The following RPRD1A variants were observed in gnomAD, a reference collection of about 807,000 sequenced individuals.
RPRD1A encodes regulation of nuclear pre-mRNA domain containing 1A, also known as regulation of nuclear pre-mRNA domain-containing protein 1A.
A neutral mutation model predicts 37.8 loss-of-function variants in RPRD1A; 9 were observed. The ratio of observed to expected loss-of-function variants is 0.24; its 90% confidence interval spans 0.14 to 0.42. The LOEUF (loss-of-function observed/expected upper bound fraction) is 0.42, where lower values mean the gene tolerates loss of function less well. Ranked by LOEUF, RPRD1A falls within the 10% of genes least tolerant of loss-of-function variation. The pLI, the probability that RPRD1A is intolerant of heterozygous loss-of-function variation, is 1.00. For missense variants in RPRD1A, 255 were observed against 371.0 expected, an observed-to-expected ratio of 0.69 and a Z score of 2.57; for synonymous variants, 138 against 139.7, an observed-to-expected ratio of 0.99 and a Z score of 0.08.
intron 1 of RPRD1A, among the ~76,000 whole-genome samples, chr18:36,035,003 T>C (rs1370992887): frequency 6.6e-6 from 1 of 152,218 alleles, no homozygotes; most frequent in Non-Finnish European, 1.5e-5. Context: ...TTTCATGATT[T>C]TGCAAGTTGC....
At chr18:36,015,131 T>TATACACACACACAC (rs573419499) in intron 6 of RPRD1A, among the ~76,000 whole-genome samples, 1 of 122,894 alleles carries the variant, frequency 8.1e-6, no homozygotes, top group African/African-American at 3.1e-5. Flanking sequence ...GGGTCTCACA[T>TATACACACACACAC]ACACACACAC....
rs1207562987 is a variant in RPRD1A at position 36,030,860 on chromosome 18, A to G, written c.434T>C (p.Val145Ala). Residue 145 changes from valine (V) to alanine (A), a missense_variant, in exon 4 of 7, where the codon GTG becomes GCG. Val to Ala is a moderately conservative substitution (Grantham distance 64). Coordinates refer to ENST00000399022, the MANE Select transcript of RPRD1A (RefSeq NM_018170.5). The stretch of plus-strand genomic sequence containing the variant: ...AGAGGAACAGTTTTCATTTTCATCC[A>G]CCTTTATCTGTTCATAAGTTCGCTT... ...PRKRTYEQIK[V>A]DENENCSSLG... The G allele has an allele frequency of 1.2e-6, 2 of 1,613,434 alleles. No individual in the cohort carries two copies. The highest frequency in any genetic ancestry group is 1.7e-5 in the Admixed American group (1 of 59,916).
At chr18:36,001,444 C>A (rs1481591971) in intron 6 of RPRD1A, among the ~76,000 whole-genome samples, 1 of 152,180 alleles carries the variant, frequency 6.6e-6, no homozygotes, top group Non-Finnish European at 1.5e-5. Flanking sequence ...AACATTTTAG[C>A]CTCACTCACT....
At chr18:36,051,534 A>ACCC (rs556136280) in intron 1 of RPRD1A, among the ~76,000 whole-genome samples, 1 of 152,098 alleles carries the variant, frequency 6.6e-6, no homozygotes, top group Non-Finnish European at 1.5e-5. Context: ...ATTCTCTAAT[A>ACCC]CCCCTTCCAA....
chr18:36,007,030 CT>C lies in RPRD1A; in HGVS notation c.790-13731del, dbSNP rs966201231. On this transcript the variant is annotated intron_variant, in intron 6 of 6. Coordinates refer to ENST00000399022, the MANE Select transcript of RPRD1A (RefSeq NM_018170.5). ...TTACTCTTCCTAGTTTTTCTTCTGT[CT>C]TTTTTTTCTTTTCTTTACTTTCAGA... Among the ~76,000 whole-genome samples, 137 of 152,134 alleles carry C rather than the reference CT, an allele frequency of 9.0e-4. 1 individual carries two copies. Among genetic ancestry groups the C allele is most frequent in the Non-Finnish European group, 3.2e-4 (22 of 67,998 alleles).
intron 1 of RPRD1A, among the ~76,000 whole-genome samples, chr18:36,052,542 G>A (rs1235309764): frequency 2.0e-5 from 3 of 152,174 alleles, no homozygotes; most frequent in African/African-American, 7.2e-5. Flanking sequence ...AAGGAGGACA[G>A]GGCTATAGAA....
chr18:36,021,230 C>G (rs1200537014), intron 6 of RPRD1A, among the ~76,000 whole-genome samples: 1 of 152,166 alleles, frequency 6.6e-6, no homozygotes, highest in Non-Finnish European at 1.5e-5. Context: ...TTTCAAGATA[C>G]TGTGTTTTCT....
intron 1 of RPRD1A, among the ~76,000 whole-genome samples, chr18:36,046,683 A>T (rs1912977788): frequency 6.6e-6 from 1 of 151,812 alleles, no homozygotes; most frequent in Non-Finnish European, 1.5e-5. Flanking sequence ...AAAAAAAAAC[A>T]AAATCAGCCA....
At chr18:36,057,883 T>C (rs907030912) in intron 1 of RPRD1A, among the ~76,000 whole-genome samples, 1 of 152,208 alleles carries the variant, frequency 6.6e-6, no homozygotes, top group Non-Finnish European at 1.5e-5. Context: ...TTCTCCTTTG[T>C]ATTACTGTGC....
chr18:35,994,269 C>T (rs1908886565), intron 6 of RPRD1A, among the ~76,000 whole-genome samples: 1 of 152,170 alleles, frequency 6.6e-6, no homozygotes, highest in South Asian at 2.1e-4. Context: ...CAGGTAAGTC[C>T]TGAGAGGACC....
intron 6 of RPRD1A, among the ~76,000 whole-genome samples, chr18:35,997,240 T>C (rs1055467367): frequency 1.3e-5 from 2 of 152,180 alleles, no homozygotes; most frequent in Non-Finnish European, 2.9e-5. Context: ...AATCCCAAAC[T>C]ATATTGAACA....
intron 6 of RPRD1A, chr18:36,025,853 T>TAA: frequency 3.2e-6 from 1 of 309,260 alleles, no homozygotes; most frequent in South Asian, 2.9e-5. Flanking sequence ...AATTCATCTT[T>TAA]TAAAAAAAAA....
At chr18:36,054,107 A>G (rs1416604912) in intron 1 of RPRD1A, among the ~76,000 whole-genome samples, 1 of 152,240 alleles carries the variant, frequency 6.6e-6, no homozygotes, top group African/African-American at 2.4e-5. Flanking sequence ...AAGATCATCA[A>G]GTCATCAGCA....
chr18:35,995,987 A>G (rs1278327151), intron 6 of RPRD1A, among the ~76,000 whole-genome samples: 1 of 152,264 alleles, frequency 6.6e-6, no homozygotes, highest in Non-Finnish European at 1.5e-5. Context: ...GGAAAGTCAG[A>G]GGAACTGTCA....
At chr18:36,045,681 A>G (rs1010309801) in intron 1 of RPRD1A, among the ~76,000 whole-genome samples, 2 of 152,260 alleles carry the variant, frequency 1.3e-5, no homozygotes, top group African/African-American at 4.8e-5. Flanking sequence ...CAACCTGATG[A>G]AATGATGGGT....
intron 1 of RPRD1A, among the ~76,000 whole-genome samples, chr18:36,044,971 G>A (rs1912851004): frequency 1.3e-5 from 2 of 152,156 alleles, no homozygotes; most frequent in Non-Finnish European, 2.9e-5. Flanking sequence ...CAGGCATGGT[G>A]GCTCATGCCT....
At chr18:36,008,588 T>TATATATATATATATATATATATA in intron 6 of RPRD1A, among the ~76,000 whole-genome samples, 1 of 134,654 alleles carries the variant, frequency 7.4e-6, no homozygotes, top group Admixed American at 7.6e-5. Flanking sequence ...TATATATATA[T>TATATATATATATATATATATATA]ATCTTTAAAA....
intron 6 of RPRD1A, among the ~76,000 whole-genome samples, chr18:35,995,798 T>C (rs932705131): frequency 1.3e-5 from 2 of 152,192 alleles, no homozygotes; most frequent in Non-Finnish European, 2.9e-5. Context: ...AAAGGTCCTA[T>C]CAACACTATC....
At chr18:36,060,288 C>A (rs1156650733) in intron 1 of RPRD1A, among the ~76,000 whole-genome samples, 2 of 151,944 alleles carry the variant, frequency 1.3e-5, no homozygotes, top group Non-Finnish European at 2.9e-5. Flanking sequence ...AAAAAATTAG[C>A]CAGGCATGGT....
Sources: gnomAD v4.1 joint callset for allele counts (sites outside exome capture counted in the v4.1 genomes callset) on GRCh38, gnomAD v4.1.1 for gene constraint, MANE v1.5 for transcripts, NCBI Gene and HGNC (gene_info 2026-07-23, HGNC 2026-07-21) for gene names.